KCNB2: variants seen among roughly 807,000 people sequenced by gnomAD.
KCNB2 encodes delayed rectifier potassium channel protein.
A neutral mutation model predicts 61.5 loss-of-function variants in KCNB2; 15 were observed. The observed-to-expected ratio is 0.24, with a 90% CI of 0.16 to 0.38. The LOEUF (loss-of-function observed/expected upper bound fraction) is 0.38, where lower values mean the gene tolerates loss of function less well. Ranked by LOEUF, KCNB2 falls within the 10% of genes least tolerant of loss-of-function variation. The pLI is 1.00. For missense variants in KCNB2, 828 were observed against 1,125.2 expected (o/e 0.74, Z 3.78); for synonymous variants, 457 against 446.0 (o/e 1.02, Z -0.31).
intron 2 of KCNB2, among the ~76,000 whole-genome samples, chr8:72,713,418 G>T (rs1477347987): frequency 6.6e-6 from 1 of 152,182 alleles, no homozygotes; most frequent in African/African-American, 2.4e-5. Flanking sequence ...CCCACTAGGG[G>T]CCAACTGACA....
Position 72,912,891 on chromosome 8 carries a change from C to T in KCNB2, c.580-23044C>T, listed in dbSNP as rs142176966. Among the ~76,000 whole-genome samples, 4 of 152,002 alleles carry T rather than the reference C, an allele frequency of 2.6e-5. No homozygotes were observed. The South Asian group carries it at 6.2e-4, about 24-fold the overall frequency. ...TTTACGGGCAAGGGAATAAATGTTTCGGAGAAAGATTTTTACCTTTGAGCA... is the reference window on the plus strand; with the variant it reads ...TTTACGGGCAAGGGAATAAATGTTTTGGAGAAAGATTTTTACCTTTGAGCA... On this transcript the variant is annotated intron_variant, in intron 2 of 2. Transcript: ENST00000523207.
At chr8:72,593,155 T>C (rs575958756) in intron 2 of KCNB2, among the ~76,000 whole-genome samples, 1 of 152,342 alleles carries the variant, frequency 6.6e-6, no homozygotes, top group South Asian at 2.1e-4. Context: ...TAATGAGTAC[T>C]ATATTTAGTA....
At chr8:72,839,436 C>T (rs6983663) in intron 2 of KCNB2, among the ~76,000 whole-genome samples, 129,598 of 151,932 alleles carry the variant, frequency 0.85, 56,232 homozygotes, top group Middle Eastern at 0.97. Flanking sequence ...AAGACACCAT[C>T]TCATCCCCAA....
chr8:72,712,512 T>C (rs965979046), intron 2 of KCNB2, among the ~76,000 whole-genome samples: 2 of 152,252 alleles, frequency 1.3e-5, no homozygotes, highest in African/African-American at 2.4e-5. Flanking sequence ...GTAACAATTA[T>C]GTAACAGGAG....
intron 2 of KCNB2, among the ~76,000 whole-genome samples, chr8:72,743,355 A>G (rs953955757): frequency 3.9e-5 from 6 of 152,200 alleles, no homozygotes; most frequent in African/African-American, 1.4e-4. Flanking sequence ...ACACATGACT[A>G]CTTGTGTGTG....
intron 2 of KCNB2, among the ~76,000 whole-genome samples, chr8:72,752,036 G>A (rs1288580639): frequency 6.6e-6 from 1 of 152,178 alleles, no homozygotes; most frequent in Non-Finnish European, 1.5e-5. Context: ...CAAATGATTG[G>A]GTAGCCCAGT....
rs769931537 is a variant in KCNB2 at position 72,937,298 on chromosome 8, G to T, written c.1943G>T (p.Gly648Val). ...PGTEEHQRARGPPFLTLSREK... is the reference protein window; with the variant it reads ...PGTEEHQRARVPPFLTLSREK... ...ACAGAAGAGCACCAAAGAGCTAGGG[G>T]CCCCCCGTTTCTAACTCTATCCAGA... is the stretch of plus-strand genomic sequence containing the variant. Residue 648 changes from glycine (G) to valine (V), a missense_variant, in exon 3 of 3, where the codon GGC becomes GTC. By Grantham distance (109) the Gly-to-Val change is moderately radical. Coordinates refer to ENST00000523207, the MANE Select transcript of KCNB2 (RefSeq NM_004770.3). 6 of 1,613,758 alleles carry T rather than the reference G, an allele frequency of 3.7e-6. No homozygotes were observed. The Admixed American group carries it at 8.3e-5, about 22-fold the overall frequency.
At chr8:72,669,541 T>C (rs1585818852) in intron 2 of KCNB2, among the ~76,000 whole-genome samples, 1 of 152,228 alleles carries the variant, frequency 6.6e-6, no homozygotes, top group African/African-American at 2.4e-5. Flanking sequence ...CAGAAACTTC[T>C]CTCAGTTTTG....
chr8:72,896,160 T>A (rs2129006257), intron 2 of KCNB2, among the ~76,000 whole-genome samples: 1 of 152,282 alleles, frequency 6.6e-6, no homozygotes, highest in Non-Finnish European at 1.5e-5. Context: ...CTCAAGTGGC[T>A]ATTGATATTT....
At chr8:72,823,140 C>T (rs1456758617) in intron 2 of KCNB2, among the ~76,000 whole-genome samples, 1 of 152,138 alleles carries the variant, frequency 6.6e-6, no homozygotes, top group African/African-American at 2.4e-5. Context: ...CTGCTTTTAT[C>T]AACATGCTCT....
chr8:72,870,678 A>T (rs1192682455), intron 2 of KCNB2, among the ~76,000 whole-genome samples: 1 of 152,220 alleles, frequency 6.6e-6, no homozygotes, highest in Non-Finnish European at 1.5e-5. Context: ...GATTTAAGTG[A>T]GGTAATGTAT....
At chr8:72,716,081 T>C (rs377104886) in intron 2 of KCNB2, among the ~76,000 whole-genome samples, 313 of 152,228 alleles carry the variant, frequency 2.1e-3, no homozygotes, top group African/African-American at 7.1e-3. Context: ...ATAAATTCCT[T>C]GACACATACA....
chr8:72,792,666 AT>A (rs1167336148), intron 2 of KCNB2, among the ~76,000 whole-genome samples: 1 of 152,152 alleles, frequency 6.6e-6, no homozygotes, highest in African/African-American at 2.4e-5. Context: ...GCATATATAT[AT>A]TTTTAAATTT....
At chr8:72,574,813 A>G (rs1442095143) in intron 2 of KCNB2, among the ~76,000 whole-genome samples, 3 of 152,138 alleles carry the variant, frequency 2.0e-5, no homozygotes, top group Admixed American at 6.5e-5. Context: ...TGCTTTGATT[A>G]TTAGTGGGTT....
Position 72,936,798 on chromosome 8 carries a change from C to G in KCNB2, c.1443C>G (p.Ser481=), listed in dbSNP as rs781284488. The G allele has an allele frequency of 1.2e-6, 2 of 1,614,052 alleles. No individual in the cohort carries two copies. Among genetic ancestry groups the G allele is most frequent in the Non-Finnish European group, 1.7e-6 (2 of 1,179,998 alleles). ...GAGAGTCCGCCAACACAAAGGACTC[C>G]GCCGACGATAATCACCTGTCGCCAA... is the stretch of plus-strand genomic sequence containing the variant. The part of the protein sequence containing the change: ...KAGESANTKD[S]ADDNHLSPSR... The change falls in exon 3 of 3, where the codon TCC becomes TCG. Residue 481 remains serine, a synonymous_variant. Coordinates refer to ENST00000523207, the MANE Select transcript of KCNB2 (RefSeq NM_004770.3). This position sits in a 1 kb window ranked among gnomAD's most constrained non-coding sequence, Gnocchi z 5.6.
At chr8:72,873,994 A>G (rs1563411298) in intron 2 of KCNB2, among the ~76,000 whole-genome samples, 1 of 152,248 alleles carries the variant, frequency 6.6e-6, no homozygotes, top group Admixed American at 6.5e-5. Context: ...CAGTTTTGAC[A>G]TGATTTGGCA....
intron 2 of KCNB2, among the ~76,000 whole-genome samples, chr8:72,608,009 C>T (rs116357063): frequency 6.6e-6 from 1 of 152,114 alleles, no homozygotes; most frequent in African/African-American, 2.4e-5. Context: ...GAGCAGGAAC[C>T]AAGCAGATAA....
chr8:72,844,013 T>C (rs1449421154), intron 2 of KCNB2, among the ~76,000 whole-genome samples: 1 of 152,226 alleles, frequency 6.6e-6, no homozygotes, highest in African/African-American at 2.4e-5. Flanking sequence ...CATTAGTTGA[T>C]GCGGTTTCTT....
chr8:72,621,520 A>G (rs904935030), intron 2 of KCNB2, among the ~76,000 whole-genome samples: 4 of 152,094 alleles, frequency 2.6e-5, no homozygotes, highest in African/African-American at 9.7e-5. Context: ...CCCTGCACTC[A>G]TTTTTAATTA....
Sources: gnomAD v4.1 joint callset for allele counts (sites outside exome capture counted in the v4.1 genomes callset) on GRCh38, gnomAD v4.1.1 for gene constraint, Gnocchi (gnomAD v3.1) non-coding constraint, MANE v1.5 for transcripts, NCBI Gene and HGNC (gene_info 2026-07-23, HGNC 2026-07-21) for gene names.